The following EIF3B variants were observed in gnomAD, a reference collection of about 807,000 sequenced individuals.
EIF3B encodes eukaryotic translation initiation factor 3 subunit 9.
Under a neutral mutation model 104.6 loss-of-function variants are expected in EIF3B, and 10 were observed. The ratio of observed to expected loss-of-function variants is 0.10; its 90% CI spans 0.06 to 0.16. The LOEUF (loss-of-function observed/expected upper bound fraction) is 0.16. Among genes scored for constraint, EIF3B ranks in the 10% least tolerant of loss-of-function variants. The pLI, the probability that EIF3B is intolerant of heterozygous loss-of-function variation, is 1.00. For missense variants in EIF3B, 1,014 were observed against 1,087.9 expected (o/e 0.93, Z 0.96); for synonymous variants, 542 against 417.2 (o/e 1.30, Z -3.65).
intron 2 of EIF3B, among the ~76,000 whole-genome samples, chr7:2,361,230 C>T (rs1481979809): frequency 6.6e-6 from 1 of 152,076 alleles, no homozygotes; most frequent in Non-Finnish European, 1.5e-5. Flanking sequence ...GTACTCCAGT[C>T]TGGGTGACAG....
intron 11 of EIF3B, 141 bp from the exon 12 acceptor site, chr7:2,372,532 T>TG: frequency 9.7e-7 from 1 of 1,031,812 alleles, no homozygotes; most frequent in Admixed American, 2.5e-5. Flanking sequence ...TTCCTGCTGT[T>TG]GCTTGCTCTC....
Position 2,371,736 on chromosome 7 carries a change from A to T in EIF3B, c.1615-41A>T, listed in dbSNP as rs754816497. ...GATTTAAACCTTTTCTCATATTTTC[A>T]CTGTCCAGAATGTCACCCCTTCCCC... On this transcript the variant is annotated intron_variant, in intron 10 of 18. Transcript: ENST00000360876. 124 of 1,425,542 alleles carry T rather than the reference A, an allele frequency of 8.7e-5. 1 individual carries two copies. The highest frequency in any genetic ancestry group is 1.0e-4 in the Non-Finnish European group (105 of 1,008,910). 88.3% of individuals were successfully genotyped at this position (1,425,542 alleles called of 1,614,324 possible).
At chr7:2,365,611 TCA>T (rs1779966371) in intron 6 of EIF3B, among the ~76,000 whole-genome samples, 1 of 151,718 alleles carries the variant, frequency 6.6e-6, no homozygotes, top group South Asian at 2.1e-4. Flanking sequence ...GAAGTTTCTA[TCA>T]GACCTGTGCT....
intron 1 of EIF3B, 122 bp downstream of exon 1, chr7:2,355,542 T>G: frequency 7.5e-7 from 1 of 1,324,674 alleles, no homozygotes; most frequent in Non-Finnish European, 9.8e-7. Flanking sequence ...GGTGTCCGTG[T>G]GTTCCTGAGA....
chr7:2,360,396 G>C (rs577570764), intron 1 of EIF3B, among the ~76,000 whole-genome samples: 2 of 152,264 alleles, frequency 1.3e-5, no homozygotes, highest in South Asian at 2.1e-4. Flanking sequence ...TTCTTGAGAT[G>C]GTCTTCTTCA....
At chr7:2,372,311 A>G (rs112503465) in intron 11 of EIF3B, 1 of 242,616 alleles carries the variant, frequency 4.1e-6, no homozygotes, top group South Asian at 8.7e-5. Flanking sequence ...AATGGGAAAC[A>G]TGGCCGCCCT....
intron 4 of EIF3B, 53 bp from the exon 5 acceptor site, chr7:2,363,579 G>T: frequency 2.0e-6 from 3 of 1,516,740 alleles, no homozygotes; most frequent in Non-Finnish European, 1.8e-6. Flanking sequence ...AGTTGTGAAT[G>T]AGTTTTTTAT....
At position 2,371,760 on chromosome 7, in the gene EIF3B, C is replaced by T. The variant is rs552897493; in HGVS notation, c.1615-17C>T. 1.3e-6 allele frequency: 2 copies of T among 1,593,154 alleles called. No homozygotes were observed. Among genetic ancestry groups the T allele is most frequent in the African/African-American group, 2.7e-5 (2 of 74,442 alleles). On this transcript the variant is annotated splice_polypyrimidine_tract_variant and intron_variant, in intron 10 of 18. Coordinates refer to ENST00000360876, the MANE Select transcript of EIF3B (RefSeq NM_001037283.2). ...CACTGTCCAGAATGTCACCCCTTCCCCCTTTTTTTTAAACAGGGTGTTGTC... is the reference window on the plus strand; with the variant it reads ...CACTGTCCAGAATGTCACCCCTTCCTCCTTTTTTTTAAACAGGGTGTTGTC...
intron 6 of EIF3B, among the ~76,000 whole-genome samples, chr7:2,365,156 G>A (rs1779938665): frequency 6.6e-6 from 1 of 152,226 alleles, no homozygotes; most frequent in Non-Finnish European, 1.5e-5. Flanking sequence ...TCACTTTGTT[G>A]TACAAGGTAG....
chr7:2,359,247 T>C (rs989370866), intron 1 of EIF3B, among the ~76,000 whole-genome samples: 7 of 152,206 alleles, frequency 4.6e-5, no homozygotes, highest in Non-Finnish European at 8.8e-5. Context: ...GGTAAGTGTC[T>C]TTTTGTAGAC....
rs1779865109 is a variant in EIF3B at position 2,363,745 on chromosome 7, A to G, written c.984A>G (p.Ser328=). 4 of 1,613,784 alleles carry G rather than the reference A, an allele frequency of 2.5e-6. No individual in the cohort carries two copies. In the African/African-American group the frequency reaches 4.0e-5, roughly 16 times the overall value. The part of the protein sequence containing the change: ...IFWNDVKDPV[S]IEERARWTET... ...GGAATGACGTAAAAGACCCTGTCTC[A>G]ATTGAAGAAAGAGCGGTGTGTATTT... Residue 328 remains serine, a synonymous_variant, in exon 5 of 19, where the codon TCA becomes TCG. Coordinates refer to ENST00000360876, the MANE Select transcript of EIF3B (RefSeq NM_001037283.2).
At chr7:2,370,121 G>A (rs534262604) in intron 10 of EIF3B, among the ~76,000 whole-genome samples, 11 of 152,114 alleles carry the variant, frequency 7.2e-5, no homozygotes, top group Admixed American at 7.2e-4. Flanking sequence ...GTATACTCAA[G>A]ATTTATTTTT....
intron 15 of EIF3B, among the ~76,000 whole-genome samples, chr7:2,377,554 G>T (rs56232594): frequency 0.03 from 1,607 of 53,074 alleles, 18 homozygotes; most frequent in African/African-American, 0.12. Context: ...AGGCACGAGC[G>T]CTCCTGGGAT....
chr7:2,376,080 C>T (rs1460333772), intron 14 of EIF3B: 2 of 155,896 alleles, frequency 1.3e-5, no homozygotes, highest in East Asian at 1.9e-4. Flanking sequence ...ATATCAACTT[C>T]CCAAATGTTA....
intron 11 of EIF3B, 58 bp downstream of exon 11, chr7:2,371,907 G>A: frequency 7.3e-7 from 1 of 1,372,414 alleles, no homozygotes; most frequent in South Asian, 1.2e-5. Context: ...TTTTACTCTT[G>A]GCTTTAACAC....
chr7:2,371,512 C>T (rs991407041), intron 10 of EIF3B, among the ~76,000 whole-genome samples: 14 of 152,136 alleles, frequency 9.2e-5, no homozygotes, highest in Admixed American at 5.2e-4. Flanking sequence ...CCAAGTGTGG[C>T]GGGCAGGGCG....
intron 12 of EIF3B, 166 bp from the exon 13 acceptor site, chr7:2,374,361 TA>T (rs1226416224): frequency 5.0e-6 from 3 of 599,032 alleles, no homozygotes; most frequent in Non-Finnish European, 6.0e-6. Flanking sequence ...GATCATGACT[TA>T]GGGGGTACTT....
At chr7:2,355,499 T>A in intron 1 of EIF3B, 79 bp downstream of exon 1, 1 of 1,397,054 alleles carries the variant, frequency 7.2e-7, no homozygotes, top group Admixed American at 3.1e-5. Context: ...ATCGTCGGGC[T>A]GTGCCACCGG....
rs150550035 is a variant in EIF3B, at chr7:2,367,804, T to G, written c.1403+759T>G. Among the ~76,000 whole-genome samples the G allele has an allele frequency of 3.6e-3, 533 of 146,360 alleles. 2 individuals are homozygous for G. Among genetic ancestry groups the G allele is most frequent in the African/African-American group, 0.013 (496 of 39,356 alleles). The stretch of plus-strand genomic sequence containing the variant: ...TCTTAACCAGTTGGAGAGAAAACGG[T>G]GAGTTTGTTCTTTTTTTAAAATTTT... On this transcript the variant is annotated intron_variant, in intron 9 of 18. Coordinates refer to ENST00000360876, the MANE Select transcript of EIF3B (RefSeq NM_001037283.2).
Sources: gnomAD v4.1 joint callset for allele counts (sites outside exome capture counted in the v4.1 genomes callset) on GRCh38, gnomAD v4.1.1 for gene constraint, MANE v1.5 for transcripts, NCBI Gene and HGNC (gene_info 2026-07-23, HGNC 2026-07-21) for gene names.